TTBK2: variants seen among roughly 807,000 people sequenced by gnomAD.
The protein encoded by TTBK2 is tau-tubulin kinase 2.
Under a neutral mutation model 110.8 loss-of-function variants are expected in TTBK2, and 28 were observed. The ratio of observed to expected loss-of-function variants is 0.25; its 90% CI spans 0.19 to 0.35. The LOEUF (loss-of-function observed/expected upper bound fraction) is 0.35, where lower values mean the gene tolerates loss of function less well. TTBK2 is among the 10% of genes least tolerant of loss of function. The pLI is 1.00. For missense variants in TTBK2, 1,369 were observed against 1,500.3 expected (o/e 0.91, Z 1.45); for synonymous variants, 532 against 527.3 (o/e 1.01, Z -0.12).
At position 42,827,951 on chromosome 15, in the gene TTBK2, T is replaced by G; in HGVS notation, c.514A>C (p.Asn172His). ...LDFGLARQFT[N>H]SCGDVRPPRA... ...ACTGGTCTGACGTCACCACAGGAAT[T>G]GGTAAATTGTCGAGCCAAGCCAAAA... is the stretch of plus-strand genomic sequence containing the variant. Residue 172 changes from asparagine to histidine, a missense_variant, in exon 6 of 15, where the codon AAT (asparagine) becomes CAT (histidine). Coordinates refer to ENST00000267890, the MANE Select transcript of TTBK2 (RefSeq NM_173500.4). 6.2e-7 allele frequency: 1 copy of G among 1,613,586 alleles called. No homozygotes were observed. Among genetic ancestry groups the G allele is most frequent in the Non-Finnish European group, 8.5e-7 (1 of 1,179,742 alleles).
At chr15:42,801,891 G>A in intron 9 of TTBK2, 5 of 1,429,848 alleles carry the variant, frequency 3.5e-6, no homozygotes, top group Non-Finnish European at 4.9e-6. Flanking sequence ...TGTTCCTGAA[G>A]TCCTCCACCA....
chr15:42,794,166 GA>G (rs941923857), intron 10 of TTBK2, among the ~76,000 whole-genome samples: 4 of 147,106 alleles, frequency 2.7e-5, no homozygotes, highest in African/African-American at 1.0e-4. Context: ...AATACACGTA[GA>G]GGAAAAAACA....
At position 42,788,519 on chromosome 15, in the gene TTBK2, T is replaced by C. The variant is rs114802046; in HGVS notation, c.981-4884A>G. 5.3e-3 allele frequency among the ~76,000 whole-genome samples: 809 copies of C among 152,346 alleles called. 7 individuals carry two copies. The highest frequency in any genetic ancestry group is 0.019 in the African/African-American group (781 of 41,578). On this transcript the variant is annotated intron_variant, in intron 10 of 14. Coordinates refer to ENST00000267890, the MANE Select transcript of TTBK2 (RefSeq NM_173500.4). ...ATCTCCAACTATGAGTGTGTTTTTATGTCTCCTTGAATATCCTGCAGTTGT... is the reference window on the plus strand; with the variant it reads ...ATCTCCAACTATGAGTGTGTTTTTACGTCTCCTTGAATATCCTGCAGTTGT...
chr15:42,839,557 TC>T lies in TTBK2; in HGVS notation c.291+802del, dbSNP rs1893135357. On this transcript the variant is annotated intron_variant, in intron 4 of 14. Transcript: ENST00000267890. Reference sequence around the variant, plus strand: ...CCACAGTAGCTGAACTAATTTATATTCCCACCAGCAGTGTATAAGTGTTTCC... The same window carrying T: ...CCACAGTAGCTGAACTAATTTATATTCCACCAGCAGTGTATAAGTGTTTCC... 4.6e-5 allele frequency among the ~76,000 whole-genome samples: 7 copies of T among 152,330 alleles called. 1 individual carries two copies. In the South Asian group the frequency reaches 1.2e-3, roughly 27 times the overall value.
chr15:42,871,468 A>C, intron 3 of TTBK2: 1 of 985,324 alleles, frequency 1.0e-6, no homozygotes, highest in Non-Finnish European at 1.2e-6. Flanking sequence ...CTTGGAGCCA[A>C]GTAGGAGAAA....
chr15:42,858,811 T>G (rs1448868622), intron 3 of TTBK2, among the ~76,000 whole-genome samples: 2 of 152,188 alleles, frequency 1.3e-5, no homozygotes, highest in Non-Finnish European at 1.5e-5. Flanking sequence ...GCCCAATACT[T>G]TAAAACTTCA....
At chr15:42,798,285 G>C in intron 9 of TTBK2, 1 of 456,252 alleles carries the variant, frequency 2.2e-6, no homozygotes, top group South Asian at 1.5e-5. Flanking sequence ...AAAGGGAGAA[G>C]GGAAAAATCT....
intron 1 of TTBK2, 31 bp from the exon 2 acceptor site, chr15:42,878,715 G>A (rs1894923430): frequency 3.1e-6 from 5 of 1,600,344 alleles, no homozygotes; most frequent in Non-Finnish European, 8.5e-7. Flanking sequence ...AATAGTAGCA[G>A]TATTTAGGGT....
At chr15:42,795,775 G>A (rs181684611) in intron 9 of TTBK2, among the ~76,000 whole-genome samples, 4 of 150,750 alleles carry the variant, frequency 2.7e-5, no homozygotes, top group Admixed American at 6.6e-5. Context: ...CCTGGGAGGC[G>A]GAGGCTGCAG....
chr15:42,849,445 C>A (rs1259079036), intron 3 of TTBK2, among the ~76,000 whole-genome samples: 2 of 152,172 alleles, frequency 1.3e-5, no homozygotes, highest in Admixed American at 6.5e-5. Context: ...ATGATCCTAG[C>A]ATTGGCATCT....
At chr15:42,753,394 A>C in intron 13 of TTBK2, 147 bp from the exon 14 acceptor site, 1 of 817,074 alleles carries the variant, frequency 1.2e-6, no homozygotes, top group Non-Finnish European at 1.9e-6. Flanking sequence ...AAAATGAACA[A>C]TTCTGAATAA....
At chr15:42,838,287 C>G (rs1416323271) in intron 4 of TTBK2, among the ~76,000 whole-genome samples, 1 of 151,964 alleles carries the variant, frequency 6.6e-6, no homozygotes, top group Non-Finnish European at 1.5e-5. Flanking sequence ...ACTGAGAATT[C>G]TAGATCTAGG....
In TTBK2 at chr15:42,739,687, C is replaced by G. The variant is rs1306104227; in HGVS notation, c.*6108G>C. ...TGTATTTCTGAAAGCTTTGTCACCT[C>G]AGTGGACTACTTTGGCTGATGAACA... On this transcript the variant is annotated 3_prime_UTR_variant, in exon 15 of 15. Transcript: ENST00000267890. The G allele has an allele frequency of 6.6e-6, 1 of 152,248 alleles. No homozygotes were observed. Among genetic ancestry groups the G allele is most frequent in the African/African-American group, 2.4e-5 (1 of 41,456 alleles). The allele number at this position is 152,248 out of a possible 1,614,324, so 9.4% of individuals were successfully genotyped here. A position where few individuals can be genotyped will look rare whatever the true frequency, so the allele number is the denominator to read the frequency against.
rs2031313844 is a variant in TTBK2 at position 42,920,474 on chromosome 15, G to C, written c.-104C>G. 1 of 152,516 alleles carries C rather than the reference G, an allele frequency of 6.6e-6. No homozygotes were observed. The highest frequency in any genetic ancestry group is 2.4e-5 in the African/African-American group (1 of 41,444). 9.4% of individuals were successfully genotyped at this position (152,516 alleles called of 1,614,324 possible). A position where few individuals can be genotyped will look rare whatever the true frequency, so the allele number is the denominator to read the frequency against. ...CGGACGCAGGGGTTTCTGGAGGAGGGCTCTGGTCCAGCTCAGGACCGGGAC... is the reference window on the plus strand; with the variant it reads ...CGGACGCAGGGGTTTCTGGAGGAGGCCTCTGGTCCAGCTCAGGACCGGGAC... On this transcript the variant is annotated 5_prime_UTR_variant, in exon 1 of 15. Coordinates refer to ENST00000267890, the MANE Select transcript of TTBK2 (RefSeq NM_173500.4).
intron 7 of TTBK2, among the ~76,000 whole-genome samples, chr15:42,815,386 T>C (rs1010510470): frequency 6.6e-6 from 1 of 152,180 alleles, no homozygotes; most frequent in Non-Finnish European, 1.5e-5. Flanking sequence ...ATTGGTCAAG[T>C]TCTCATTTTG....
intron 3 of TTBK2, among the ~76,000 whole-genome samples, chr15:42,861,044 A>C (rs533033688): frequency 6.6e-6 from 1 of 152,318 alleles, no homozygotes; most frequent in Non-Finnish European, 1.5e-5. Flanking sequence ...AACAGGTTCA[A>C]TGCAGTAAGA....
chr15:42,781,638 C>T (rs1203767466), intron 11 of TTBK2, among the ~76,000 whole-genome samples: 1 of 152,036 alleles, frequency 6.6e-6, no homozygotes, highest in Non-Finnish European at 1.5e-5. Flanking sequence ...CTCTCTGACC[C>T]ATGGATTATA....
chr15:42,752,334 T>C lies in TTBK2; in HGVS notation c.2912A>G (p.Lys971Arg). The C allele has an allele frequency of 4.3e-6, 7 of 1,614,210 alleles. No homozygotes were observed. The highest frequency in any genetic ancestry group is 5.1e-6 in the Non-Finnish European group (6 of 1,180,020). The stretch of plus-strand genomic sequence containing the variant: ...GACTAGGTCTGGCTGATAGGCTTTC[T>C]TTTGGAGGAGCTTTTCTTTTGCAGA... ...PVSAKEKLLQ[K>R]KAYQPDLVKL... Residue 971 changes from lysine (K) to arginine (R), a missense_variant, in exon 14 of 15, where the codon AAG becomes AGG. Transcript: ENST00000267890.
intron 1 of TTBK2, among the ~76,000 whole-genome samples, chr15:42,882,138 T>TA (rs1567076339): frequency 6.7e-6 from 1 of 150,012 alleles, no homozygotes; most frequent in Non-Finnish European, 1.5e-5. Context: ...CAGAAAAAAA[T>TA]AAAAAATAGC....
Sources: gnomAD v4.1 joint callset for allele counts (sites outside exome capture counted in the v4.1 genomes callset) on GRCh38, gnomAD v4.1.1 for gene constraint, MANE v1.5 for transcripts, NCBI Gene and HGNC (gene_info 2026-07-23, HGNC 2026-07-21) for gene names.